The following CEP128 variants were observed in gnomAD, a reference collection of about 807,000 sequenced individuals.
CEP128 encodes centrosomal protein 128, also known as centrosomal protein 128kDa.
In CEP128, 132 loss-of-function variants were observed where a neutral mutation model predicts 156.7. The observed-to-expected ratio is 0.84, with a 90% CI of 0.73 to 0.97. The LOEUF (loss-of-function observed/expected upper bound fraction) is 0.97, where lower values mean the gene tolerates loss of function less well. CEP128 is among the 50% of genes least tolerant of loss of function. The pLI, the probability that CEP128 is intolerant of heterozygous loss-of-function variation, is 0.00. For synonymous variants in CEP128, 469 were observed against 448.9 expected (o/e 1.04, Z -0.57); for missense variants, 1,252 against 1,281.9 (o/e 0.98, Z 0.36).
chr14:80,730,009 T>C lies in CEP128; in HGVS notation c.2806+13066A>G, dbSNP rs147496968. On this transcript the variant is annotated intron_variant, in intron 19 of 24. Coordinates refer to ENST00000555265, the MANE Select transcript of CEP128 (RefSeq NM_152446.5). ...CAACAGAGGCCTCACTGATGTGGAA[T>C]AAGAGATGGTATTACTTAGATATAT... Among the ~76,000 whole-genome samples the C allele has an allele frequency of 1.4e-4, 21 of 152,312 alleles. No homozygotes were observed. In the East Asian group the frequency reaches 3.3e-3, roughly 24 times the overall value.
Position 80,904,881 on chromosome 14 carries a change from G to T in CEP128, c.412C>A (p.Gln138Lys). 6.2e-7 allele frequency: 1 copy of T among 1,612,658 alleles called. No homozygotes were observed. Among genetic ancestry groups the T allele is most frequent in the Non-Finnish European group, 8.5e-7 (1 of 1,178,682 alleles). Residue 138 changes from glutamine to lysine, a missense_variant, in exon 6 of 25, where the codon CAG becomes AAG. Gln to Lys is a moderately conservative substitution (Grantham distance 53). Coordinates refer to ENST00000555265, the MANE Select transcript of CEP128 (RefSeq NM_152446.5). ...CTTGATCTCATTCGTTTAATACCCT[G>T]TGGATCCCCATAGTCCTTGAGAGGT... is the stretch of plus-strand genomic sequence containing the variant. Reference protein sequence around the residue: ...TSPLKDYGDPQGIKRMRSRTG... With the variant: ...TSPLKDYGDPKGIKRMRSRTG...
downstream of CEP128, among the ~76,000 whole-genome samples, chr14:80,492,953 T>C (rs1454619304): frequency 6.6e-6 from 1 of 152,184 alleles, no homozygotes; most frequent in Non-Finnish European, 1.5e-5. Context: ...TAGTATCCAT[T>C]AGTTTTCTTT....
intron 21 of CEP128, among the ~76,000 whole-genome samples, chr14:80,555,059 C>G (rs1890372036): frequency 6.6e-6 from 1 of 151,972 alleles, no homozygotes; most frequent in African/African-American, 2.4e-5. Context: ...ATATAAAACC[C>G]TGATATAAAA....
At chr14:80,843,483 T>C (rs993537331) in intron 9 of CEP128, among the ~76,000 whole-genome samples, 1 of 152,106 alleles carries the variant, frequency 6.6e-6, no homozygotes, top group African/African-American at 2.4e-5. Flanking sequence ...ACAGTCAGCA[T>C]CATTTACTTG....
Position 80,526,985 on chromosome 14 carries a change from G to GTA in CEP128, c.2959-4_2959-3insTA. ...CTCTCAGATGAACTGCAGGAATCCT[G>GTA]GAAAAAAAAAAAAGCAAAGGGTCTG... On this transcript the variant is annotated splice_region_variant and splice_polypyrimidine_tract_variant and intron_variant, in intron 22 of 24. Transcript: ENST00000555265. 7.7e-7 allele frequency: 1 copy of GTA among 1,298,658 alleles called. No individual in the cohort carries two copies. Among genetic ancestry groups the GTA allele is most frequent in the Non-Finnish European group, 1.0e-6 (1 of 958,416 alleles). 80.4% of individuals were successfully genotyped at this position (1,298,658 alleles called of 1,614,324 possible).
chr14:80,866,440 A>T (rs1255373434), intron 8 of CEP128, among the ~76,000 whole-genome samples: 1 of 152,160 alleles, frequency 6.6e-6, no homozygotes, highest in Non-Finnish European at 1.5e-5. Context: ...TGTCTGCCCC[A>T]GTGAATACAG....
Position 80,933,019 on chromosome 14 carries a change from T to C in CEP128, c.-16+6366A>G, listed in dbSNP as rs574833905. ...CCTGTGTGAGGATATCCAGTGGTACTCAACTCCATCAAGTTTCAGCAGTAC... is the reference window on the plus strand; with the variant it reads ...CCTGTGTGAGGATATCCAGTGGTACCCAACTCCATCAAGTTTCAGCAGTAC... On this transcript the variant is annotated intron_variant, in intron 2 of 24. Coordinates refer to ENST00000555265, the MANE Select transcript of CEP128 (RefSeq NM_152446.5). 3.3e-4 allele frequency among the ~76,000 whole-genome samples: 51 copies of C among 152,286 alleles called. No homozygotes were observed. In the South Asian group the frequency reaches 5.8e-3, roughly 17 times the overall value.
At chr14:80,790,556 G>A (rs917606529) in intron 14 of CEP128, among the ~76,000 whole-genome samples, 2 of 151,450 alleles carry the variant, frequency 1.3e-5, no homozygotes, top group African/African-American at 4.8e-5. Flanking sequence ...TGAGGAAAGT[G>A]TACAATTTGA....
At chr14:80,666,251 C>T (rs1418205841) in intron 19 of CEP128, among the ~76,000 whole-genome samples, 1 of 152,202 alleles carries the variant, frequency 6.6e-6, no homozygotes, top group African/African-American at 2.4e-5. Context: ...ATTCTGCTGA[C>T]ACTGGAAGAA....
chr14:80,711,325 G>A (rs1314122790), intron 19 of CEP128, among the ~76,000 whole-genome samples: 2 of 151,674 alleles, frequency 1.3e-5, no homozygotes, highest in Non-Finnish European at 2.9e-5. Flanking sequence ...GTGTGTGTGT[G>A]TGTGTGTGTC....
chr14:80,804,669 A>G (rs1884071174), intron 13 of CEP128, among the ~76,000 whole-genome samples: 1 of 152,132 alleles, frequency 6.6e-6, no homozygotes, highest in South Asian at 2.1e-4. Flanking sequence ...ATATATATAT[A>G]AATTGTATTC....
At chr14:80,623,365 C>T (rs1220222152) in intron 19 of CEP128, among the ~76,000 whole-genome samples, 7 of 151,184 alleles carry the variant, frequency 4.6e-5, no homozygotes, top group Admixed American at 2.6e-4. Flanking sequence ...TGTTAAATGA[C>T]GAGTTAATGG....
intron 13 of CEP128, among the ~76,000 whole-genome samples, chr14:80,808,828 T>C (rs1331356847): frequency 1.3e-5 from 2 of 152,000 alleles, no homozygotes; most frequent in Non-Finnish European, 2.9e-5. Context: ...CTAAGGGCCC[T>C]TCCCAACCAA....
intron 23 of CEP128, among the ~76,000 whole-genome samples, chr14:80,518,971 C>T (rs1440995893): frequency 2.0e-5 from 3 of 152,120 alleles, no homozygotes; most frequent in African/African-American, 7.2e-5. Context: ...ATTTGTGGAA[C>T]TTCTATAAAA....
chr14:80,942,243 G>A (rs1459642788), upstream of CEP128: 1 of 152,180 alleles, frequency 6.6e-6, no homozygotes, highest in African/African-American at 2.4e-5. Flanking sequence ...AGAAGATTAT[G>A]TAGGCCAACC....
intron 1 of CEP128, among the ~76,000 whole-genome samples, chr14:80,958,946 C>A (rs1161305637): frequency 6.6e-6 from 1 of 152,184 alleles, no homozygotes; most frequent in Non-Finnish European, 1.5e-5. Flanking sequence ...CATTAAGATG[C>A]TGTATAACCA....
At position 80,785,605 on chromosome 14, in the gene CEP128, T is replaced by C. The variant is rs1018065429; in HGVS notation, c.1561-60A>G. On this transcript the variant is annotated intron_variant, in intron 14 of 24. Coordinates refer to ENST00000555265, the MANE Select transcript of CEP128 (RefSeq NM_152446.5). Reference sequence around the variant, plus strand: ...ATAAAAGTTACTGTAAAATTCACCATAGACTCTGCCAGTCAGCAAAACAAT... The same window carrying C: ...ATAAAAGTTACTGTAAAATTCACCACAGACTCTGCCAGTCAGCAAAACAAT... The C allele has an allele frequency of 1.1e-5, 14 of 1,237,544 alleles. No homozygotes were observed. In the Admixed American group the frequency reaches 1.4e-4, roughly 13 times the overall value. The allele number at this position is 1,237,544 out of a possible 1,614,324, so 76.7% of individuals were successfully genotyped here.
In CEP128 at chr14:80,881,330, A is replaced by G. The variant is rs78150822; in HGVS notation, c.645+14388T>C. The stretch of plus-strand genomic sequence containing the variant: ...ATATTGGAAAATCTAAAACACATCT[A>G]GAAGAAAACTCCTAGACAGACACAA... On this transcript the variant is annotated intron_variant, in intron 8 of 24. Coordinates refer to ENST00000555265, the MANE Select transcript of CEP128 (RefSeq NM_152446.5). Among the ~76,000 whole-genome samples the G allele has an allele frequency of 2.8e-3, 424 of 152,298 alleles. 13 individuals are homozygous for G. In the East Asian group the frequency reaches 0.072, roughly 26 times the overall value.
At chr14:80,819,371 C>T (rs921183077) in intron 13 of CEP128, among the ~76,000 whole-genome samples, 17 of 151,776 alleles carry the variant, frequency 1.1e-4, no homozygotes, top group Non-Finnish European at 2.1e-4. Flanking sequence ...CTCAGCCTCC[C>T]GAGTAGCTGG....
Sources: gnomAD v4.1 joint callset for allele counts (sites outside exome capture counted in the v4.1 genomes callset) on GRCh38, gnomAD v4.1.1 for gene constraint, MANE v1.5 for transcripts, NCBI Gene and HGNC (gene_info 2026-07-23, HGNC 2026-07-21) for gene names.